Variants in NBAS observed in about 807,000 individuals in gnomAD.
The protein encoded by NBAS is NBAS subunit of NRZ tethering complex.
NBAS carries 219 observed loss-of-function variants against 302.5 expected under a neutral mutation model. That is an observed-to-expected ratio of 0.72 (90% CI 0.65 to 0.81). NBAS has a LOEUF of 0.81. Ranked by LOEUF, NBAS falls within the 30% of genes least tolerant of loss-of-function variation. The probability of loss-of-function intolerance (pLI) is 0.00; values close to 1 mark genes in which losing one functional copy is unlikely to be tolerated. For synonymous variants in NBAS, 1,118 were observed against 1,021.6 expected (o/e 1.09, Z -1.80); for missense variants, 2,932 against 2,841.6 (o/e 1.03, Z -0.72).
chr2:15,146,806 A>C, the NBAS span, among the ~76,000 whole-genome samples: 2 of 152,138 alleles, frequency 1.3e-5, no homozygotes, highest in African/African-American at 4.8e-5. Context: ...GGGGCTGTCA[A>C]TAGACAACAG....
chr2:15,318,334 T>A (rs1365917622), intron 38 of NBAS, among the ~76,000 whole-genome samples: 1 of 152,168 alleles, frequency 6.6e-6, no homozygotes, highest in African/African-American at 2.4e-5. Flanking sequence ...AGAAACTCCA[T>A]CAATTAATGG....
the NBAS span, among the ~76,000 whole-genome samples, chr2:14,953,283 G>A: frequency 6.6e-6 from 1 of 152,194 alleles, no homozygotes; most frequent in South Asian, 2.1e-4. Flanking sequence ...AGGATGATGA[G>A]AGTCAGGGCC....
chr2:15,430,268 T>C (rs1447511226), intron 21 of NBAS, among the ~76,000 whole-genome samples: 1 of 152,176 alleles, frequency 6.6e-6, no homozygotes, highest in African/African-American at 2.4e-5. Flanking sequence ...ATATATAATA[T>C]ACATATTTTT....
chr2:14,847,772 C>T, the NBAS span, among the ~76,000 whole-genome samples: 1 of 152,168 alleles, frequency 6.6e-6, no homozygotes. Flanking sequence ...CTGCACTATA[C>T]AGCAATGGAC....
intron 21 of NBAS, among the ~76,000 whole-genome samples, chr2:15,429,038 A>AC (rs1272457035): frequency 1.1e-4 from 2 of 18,388 alleles, no homozygotes; most frequent in Admixed American, 5.4e-4. Flanking sequence ...ACTCTGTCTC[A>AC]AAAAAAAAAA....
At chr2:15,434,732 C>T (rs183121177) in intron 21 of NBAS, among the ~76,000 whole-genome samples, 2 of 152,204 alleles carry the variant, frequency 1.3e-5, no homozygotes, top group East Asian at 1.9e-4. Flanking sequence ...CCTATAGGTT[C>T]GAGGTTGCCA....
downstream of NBAS, among the ~76,000 whole-genome samples, chr2:15,165,681 G>A (rs1285342912): frequency 6.8e-6 from 1 of 146,354 alleles, no homozygotes; most frequent in African/African-American, 2.5e-5. Flanking sequence ...GGGGTGGACA[G>A]GGGGAGGTGT....
At chr2:14,889,795 C>A in the NBAS span, among the ~76,000 whole-genome samples, 2,014 of 152,266 alleles carry the variant, frequency 0.013, 59 homozygotes, top group African/African-American at 0.047. Context: ...TGAAAATTAA[C>A]CAACGGGACA....
chr2:15,372,227 T>A (rs1032629220), intron 31 of NBAS, among the ~76,000 whole-genome samples: 3 of 152,024 alleles, frequency 2.0e-5, no homozygotes, highest in African/African-American at 7.2e-5. Context: ...TAAGAAAAAT[T>A]TACATAAACA....
Position 15,321,851 on chromosome 2 carries a change from A to G in NBAS, c.4582+5899T>C, listed in dbSNP as rs532275543. Among the ~76,000 whole-genome samples the G allele has an allele frequency of 1.2e-4, 19 of 152,276 alleles. No homozygotes were observed. The East Asian group carries it at 3.7e-3, about 29-fold the overall frequency. ...TGTGGCGGATTCCTCAAGGATCTAGAACTAGAAATACCATTTGACCCAGCG... is the reference window on the plus strand; with the variant it reads ...TGTGGCGGATTCCTCAAGGATCTAGGACTAGAAATACCATTTGACCCAGCG... On this transcript the variant is annotated intron_variant, in intron 38 of 51. Transcript: ENST00000281513.
At chr2:15,314,302 G>A (rs1173004484) in intron 38 of NBAS, among the ~76,000 whole-genome samples, 4 of 152,154 alleles carry the variant, frequency 2.6e-5, no homozygotes, top group African/African-American at 7.2e-5. Context: ...ACTGCAGTGC[G>A]CCAAGACAAG....
At chr2:14,898,042 C>T in the NBAS span, among the ~76,000 whole-genome samples, 1 of 152,162 alleles carries the variant, frequency 6.6e-6, no homozygotes, top group Non-Finnish European at 1.5e-5. Flanking sequence ...AAATTTGTTC[C>T]AGGTTTAGAA....
chr2:14,828,427 C>T, the NBAS span, among the ~76,000 whole-genome samples: 2 of 152,072 alleles, frequency 1.3e-5, no homozygotes, highest in Admixed American at 1.3e-4. Context: ...TGCAAAGTCC[C>T]ATGAGTGACA....
At chr2:15,397,572 G>C in intron 26 of NBAS, 1 of 619,682 alleles carries the variant, frequency 1.6e-6, no homozygotes, top group South Asian at 1.4e-5. Flanking sequence ...CAGTAACGTA[G>C]CTTCACATAC....
At chr2:15,501,768 C>CT (rs1162754384) in intron 11 of NBAS, among the ~76,000 whole-genome samples, 58 of 142,608 alleles carry the variant, frequency 4.1e-4, no homozygotes, top group South Asian at 2.4e-3. Flanking sequence ...TTAAGAGGAA[C>CT]TTTTTTTTTT....
At chr2:15,164,606 C>T (rs1204946975), downstream of NBAS, among the ~76,000 whole-genome samples, 2 of 152,134 alleles carry the variant, frequency 1.3e-5, no homozygotes, top group African/African-American at 4.8e-5. Context: ...TGAGTGAGGG[C>T]CAGGGCAGCC....
intron 44 of NBAS, among the ~76,000 whole-genome samples, chr2:15,245,477 C>A (rs905486287): frequency 1.3e-5 from 2 of 152,198 alleles, no homozygotes; most frequent in Non-Finnish European, 2.9e-5. Flanking sequence ...CCACCTCTTT[C>A]TCCTGGCCCT....
At chr2:15,119,926 C>G in the NBAS span, among the ~76,000 whole-genome samples, 4 of 152,170 alleles carry the variant, frequency 2.6e-5, no homozygotes, top group South Asian at 8.3e-4. Flanking sequence ...AGGTCACCAG[C>G]AGGAAGTGGC....
the NBAS span, among the ~76,000 whole-genome samples, chr2:14,916,473 A>G: frequency 6.6e-6 from 1 of 152,214 alleles, no homozygotes; most frequent in Non-Finnish European, 1.5e-5. Context: ...TAAAAAAATC[A>G]GAGAGCTACT....
Sources: gnomAD v4.1 joint callset for allele counts (sites outside exome capture counted in the v4.1 genomes callset) on GRCh38, gnomAD v4.1.1 for gene constraint, MANE v1.5 for transcripts, NCBI Gene and HGNC (gene_info 2026-07-23, HGNC 2026-07-21) for gene names.